Variants in AR observed in about 807,000 individuals in gnomAD.
The protein encoded by AR is androgen receptor.
A neutral mutation model predicts 53.9 loss-of-function variants in AR; 8 were observed. The observed-to-expected ratio is 0.15, with a 90% CI of 0.09 to 0.27. The LOEUF (loss-of-function observed/expected upper bound fraction) is 0.27. Ranked by LOEUF, AR falls within the 10% of genes least tolerant of loss-of-function variation. The pLI is 1.00. For synonymous variants in AR, 359 were observed against 316.4 expected, an observed-to-expected ratio of 1.13 and a Z score of -1.43; for missense variants, 639 against 742.5, an observed-to-expected ratio of 0.86 and a Z score of 1.62.
In AR at chrX:67,654,901, G is replaced by T. The variant is rs779230330; in HGVS notation, c.1768+11494G>T. The stretch of plus-strand genomic sequence containing the variant: ...GGACCTCTTGGAGGAATGTGGTTTG[G>T]TTATAGTGGTATTGTCTTGTCTGTT... On this transcript the variant is annotated intron_variant, in intron 2 of 7. Coordinates refer to ENST00000374690, the MANE Select transcript of AR (RefSeq NM_000044.6). 2.0e-4 allele frequency among the ~76,000 whole-genome samples: 20 copies of T among 99,208 alleles called. No individual in the cohort carries two copies. The South Asian group carries it at 0.01, about 52-fold the overall frequency. The allele number at this position is 99,208 out of a possible 115,157, so 86.2% of individuals were successfully genotyped here. A position where few individuals can be genotyped will look rare whatever the true frequency, so the allele number is the denominator to read the frequency against.
chrX:67,652,292 A>T (rs985491385), intron 2 of AR, among the ~76,000 whole-genome samples: 1 of 111,936 alleles, frequency 8.9e-6, no homozygotes, highest in Non-Finnish European at 1.9e-5. Context: ...TGGACCCTGA[A>T]GACCATGGAC....
chrX:67,581,216 A>C (rs1041868382), intron 1 of AR, among the ~76,000 whole-genome samples: 5 of 111,235 alleles, frequency 4.5e-5, no homozygotes, highest in African/African-American at 1.3e-4. Context: ...GCCCCACAAC[A>C]AATCTTTAAT....
At chrX:67,558,858 C>T (rs1921171908) in intron 1 of AR, among the ~76,000 whole-genome samples, 1 of 111,869 alleles carries the variant, frequency 8.9e-6, no homozygotes, top group Non-Finnish European at 1.9e-5. Context: ...TCAAAATACT[C>T]CATGAGGTAG....
chrX:67,665,428 T>C (rs1372237767), intron 2 of AR, among the ~76,000 whole-genome samples: 2 of 112,286 alleles, frequency 1.8e-5, no homozygotes, highest in African/African-American at 3.2e-5. Flanking sequence ...AAATCCAGTA[T>C]AGAAAATAAA....
In AR at chrX:67,546,296, C is replaced by T. The variant is rs2147320442; in HGVS notation, c.1150C>T (p.His384Tyr). ...PPPPPPPPHP[H>Y]ARIKLENPLD... ...GCCCCCTCCGCCGCCTCCCCATCCCCACGCTCGCATCAAGCTGGAGAACCC... is the reference window on the plus strand; with the variant it reads ...GCCCCCTCCGCCGCCTCCCCATCCCTACGCTCGCATCAAGCTGGAGAACCC... The change falls in exon 1 of 8, where the codon CAC (histidine) becomes TAC (tyrosine). Residue 384 changes from histidine to tyrosine, a missense_variant. His to Tyr is a moderately conservative substitution (Grantham distance 83, BLOSUM62 2). This residue lies in a region of AR where 423 missense variants were observed against 377.0 expected (regional missense o/e 1.12). Coordinates refer to ENST00000374690, the MANE Select transcript of AR (RefSeq NM_000044.6). 5 of 1,203,151 alleles carry T rather than the reference C, an allele frequency of 4.2e-6. No homozygotes were observed. Among genetic ancestry groups the T allele is most frequent in the Non-Finnish European group, 5.6e-6 (5 of 891,574 alleles).
chrX:67,620,087 C>T (rs1449513167), intron 1 of AR, among the ~76,000 whole-genome samples: 1 of 110,413 alleles, frequency 9.1e-6, no homozygotes, highest in Non-Finnish European at 1.9e-5. Flanking sequence ...TGTGGATTCT[C>T]GTCAACATTT....
chrX:67,545,914 T>C lies in AR; in HGVS notation c.768T>C (p.His256=), dbSNP rs775026647. ...SMGLGVEALE[H]LSPGEQLRGD... ...GCCTGGGTGTGGAGGCGTTGGAGCATCTGAGTCCAGGGGAACAGCTTCGGG... is the reference window on the plus strand; with the variant it reads ...GCCTGGGTGTGGAGGCGTTGGAGCACCTGAGTCCAGGGGAACAGCTTCGGG... Residue 256 remains histidine (H), a synonymous_variant, in exon 1 of 8, where the codon CAT becomes CAC. Transcript: ENST00000374690. The C allele has an allele frequency of 8.3e-7, 1 of 1,211,924 alleles. No individual in the cohort carries two copies. Among genetic ancestry groups the C allele is most frequent in the Non-Finnish European group, 1.1e-6 (1 of 895,441 alleles).
chrX:67,666,606 C>T (rs939828402), intron 2 of AR, among the ~76,000 whole-genome samples: 4 of 111,467 alleles, frequency 3.6e-5, no homozygotes, highest in African/African-American at 1.3e-4. Flanking sequence ...TATGATAGCT[C>T]TATTTTTAGT....
In AR at chrX:67,545,657, T is replaced by C. The variant is rs1485942997; in HGVS notation, c.511T>C (p.Phe171Leu). The stretch of plus-strand genomic sequence containing the variant: ...CACGTTGTCCCTGCTGGGCCCCACT[T>C]TCCCCGGCTTAAGCAGCTGCTCCGC... ...PSTLSLLGPT[F>L]PGLSSCSADL... is the part of the protein sequence containing the mutation. Residue 171 changes from phenylalanine to leucine, a missense_variant, in exon 1 of 8, where the codon TTC becomes CTC. By Grantham distance (22) the Phe-to-Leu change is conservative (BLOSUM62 0). Coordinates refer to ENST00000374690, the MANE Select transcript of AR (RefSeq NM_000044.6). 1 of 1,198,044 alleles carries C rather than the reference T, an allele frequency of 8.3e-7. No homozygotes were observed. The highest frequency in any genetic ancestry group is 1.1e-6 in the Non-Finnish European group (1 of 888,353).
At chrX:67,547,886 C>A (rs930265431) in intron 1 of AR, among the ~76,000 whole-genome samples, 8 of 111,898 alleles carry the variant, frequency 7.1e-5, no homozygotes, top group Non-Finnish European at 1.3e-4. Flanking sequence ...GCAATTGCAT[C>A]GTGCTTATTA....
chrX:67,648,093 C>T (rs771942842), intron 2 of AR, among the ~76,000 whole-genome samples: 1 of 111,501 alleles, frequency 9.0e-6, no homozygotes, highest in Non-Finnish European at 1.9e-5. Flanking sequence ...TTTTCCATCT[C>T]TTGGTATCTT....
chrX:67,545,549 C>G lies in AR; in HGVS notation c.403C>G (p.Pro135Ala). The G allele has an allele frequency of 8.5e-7, 1 of 1,181,539 alleles. No homozygotes were observed. The highest frequency in any genetic ancestry group is 1.1e-6 in the Non-Finnish European group (1 of 880,423). The stretch of plus-strand genomic sequence containing the variant: ...CCCCGAGAGAGGTTGCGTCCCAGAG[C>G]CTGGAGCCGCCGTGGCCGCCAGCAA... ...CHPERGCVPE[P>A]GAAVAASKGL... is the part of the protein sequence containing the mutation. Residue 135 changes from proline to alanine, a missense_variant, in exon 1 of 8, where the codon CCT becomes GCT. Transcript: ENST00000374690.
intron 1 of AR, among the ~76,000 whole-genome samples, chrX:67,605,000 GT>G (rs1923561951): frequency 8.9e-6 from 1 of 112,188 alleles, no homozygotes. Flanking sequence ...ATCACACAGG[GT>G]AAACAATATT....
chrX:67,705,254 G>C (rs372806080), intron 3 of AR, among the ~76,000 whole-genome samples: 5 of 111,204 alleles, frequency 4.5e-5, no homozygotes, highest in Admixed American at 9.6e-5. Flanking sequence ...CCATTTTCAC[G>C]ATATTGATTC....
At chrX:67,558,743 C>G (rs774755342) in intron 1 of AR, among the ~76,000 whole-genome samples, 2 of 112,296 alleles carry the variant, frequency 1.8e-5, no homozygotes, top group East Asian at 2.8e-4. Flanking sequence ...CTGGGCAATT[C>G]AATGCCTGCT....
intron 1 of AR, among the ~76,000 whole-genome samples, chrX:67,614,180 T>A (rs756028612): frequency 1.8e-5 from 2 of 111,407 alleles, no homozygotes; most frequent in Non-Finnish European, 3.8e-5. Context: ...ATTTAGGCCA[T>A]CGTGGTTTAA....
chrX:67,647,067 A>T (rs774366239), intron 2 of AR, among the ~76,000 whole-genome samples: 1 of 111,146 alleles, frequency 9.0e-6, no homozygotes, highest in South Asian at 3.8e-4. Context: ...CCCCATCTCT[A>T]CCTCATTATG....
intron 1 of AR, among the ~76,000 whole-genome samples, chrX:67,549,033 A>G (rs1043996754): frequency 8.9e-6 from 1 of 112,329 alleles, no homozygotes; most frequent in African/African-American, 3.2e-5. Context: ...AAATTAATCA[A>G]TTTAATCAGA....
At chrX:67,706,820 T>G (rs996804959) in intron 3 of AR, among the ~76,000 whole-genome samples, 4 of 112,208 alleles carry the variant, frequency 3.6e-5, no homozygotes, top group Non-Finnish European at 7.5e-5. Context: ...CTACTTTAAA[T>G]GTGTCCCAGA....
Sources: gnomAD v4.1 joint callset for allele counts (sites outside exome capture counted in the v4.1 genomes callset) on GRCh38, gnomAD v4.1.1 for gene constraint, gnomAD v4.1.1 regional missense constraint, MANE v1.5 for transcripts, NCBI Gene and HGNC (gene_info 2026-07-23, HGNC 2026-07-21) for gene names.